The following BBS2 variants were observed in gnomAD, a reference collection of about 807,000 sequenced individuals.
BBS2 encodes the protein Bardet-Biedl syndrome 2.
A neutral mutation model predicts 83.0 loss-of-function variants in BBS2; 62 were observed. The observed-to-expected ratio is 0.75, with a 90% CI of 0.61 to 0.92. BBS2 has a LOEUF of 0.92. BBS2 is among the 40% of genes least tolerant of loss of function. The pLI, the probability that BBS2 is intolerant of heterozygous loss-of-function variation, is 0.00. For synonymous variants in BBS2, 303 were observed against 326.1 expected, an observed-to-expected ratio of 0.93 and a Z score of 0.76; for missense variants, 784 against 901.0, an observed-to-expected ratio of 0.87 and a Z score of 1.66.
intron 17 of BBS2, among the ~76,000 whole-genome samples, chr16:56,472,817 T>G (rs1274382836): frequency 6.6e-6 from 1 of 152,200 alleles, no homozygotes; most frequent in Non-Finnish European, 1.5e-5. Context: ...CCACTTAATA[T>G]TTCATAAACC....
In BBS2 at chr16:56,502,351, A is replaced by C. The variant is rs752280639; in HGVS notation, c.1046T>G (p.Leu349Trp). The C allele has an allele frequency of 6.6e-5, 106 of 1,614,082 alleles. No individual in the cohort carries two copies. Among genetic ancestry groups the C allele is most frequent in the Non-Finnish European group, 8.8e-5 (104 of 1,180,044 alleles). The change falls in exon 9 of 17, where the codon TTG becomes TGG. Residue 349 changes from leucine to tryptophan, a missense_variant. Physicochemically the swap from Leu to Trp is moderately conservative, Grantham distance 61. Transcript: ENST00000245157. ...TTCCTCATAGTTACGGAGTTCCAGC[A>C]ACAGATTCTGCTTCTTCTGACTCAG... ...RELSQKKQNL[L>W]LELRNYEENA...
chr16:56,497,131 C>T (rs777512522), intron 14 of BBS2, 52 bp from the exon 15 acceptor site: 5 of 1,174,920 alleles, frequency 4.3e-6, no homozygotes, highest in South Asian at 1.2e-5. Context: ...ACTTCTTGAA[C>T]CCAGACAAAT....
downstream of BBS2, among the ~76,000 whole-genome samples, chr16:56,480,398 C>T (rs941934654): frequency 3.0e-5 from 4 of 135,508 alleles, no homozygotes; most frequent in African/African-American, 8.6e-5. Context: ...GTTACCTCTC[C>T]CAGACCAGTA....
At chr16:56,499,971 G>T (rs2144139897) in intron 11 of BBS2, 64 bp from the exon 12 acceptor site, 2 of 1,601,522 alleles carry the variant, frequency 1.2e-6, no homozygotes, top group South Asian at 1.1e-5. Flanking sequence ...AAAATGCAAG[G>T]CCCAGAAAAT....
At chr16:56,494,999 T>C (rs991901972) in intron 15 of BBS2, among the ~76,000 whole-genome samples, 3 of 149,188 alleles carry the variant, frequency 2.0e-5, no homozygotes, top group Admixed American at 2.0e-4. Context: ...AAATTAATAA[T>C]AACAGATATA....
At chr16:56,489,651 T>G (rs1429204103) in intron 15 of BBS2, among the ~76,000 whole-genome samples, 1 of 151,592 alleles carries the variant, frequency 6.6e-6, no homozygotes, top group African/African-American at 2.4e-5. Context: ...ACAAAAAAAA[T>G]TAGCTGGGCA....
At chr16:56,482,038 G>T (rs1453998305), downstream of BBS2, among the ~76,000 whole-genome samples, 1 of 152,164 alleles carries the variant, frequency 6.6e-6, no homozygotes, top group Admixed American at 6.5e-5. Flanking sequence ...CTTGCTGCAG[G>T]TCAATGCCTT....
intron 16 of BBS2, among the ~76,000 whole-genome samples, chr16:56,485,304 A>C (rs1963744604): frequency 1.3e-5 from 2 of 151,958 alleles, no homozygotes; most frequent in African/African-American, 2.4e-5. Context: ...ATTTATATAT[A>C]TATGTTTATA....
chr16:56,509,576 C>A (rs1216559126), intron 5 of BBS2: 2 of 197,974 alleles, frequency 1.0e-5, no homozygotes, highest in Non-Finnish European at 2.1e-5. Context: ...AATTTATCTT[C>A]CTATTAGGGT....
chr16:56,511,609 G>T (rs1964579274), intron 2 of BBS2, among the ~76,000 whole-genome samples: 1 of 152,140 alleles, frequency 6.6e-6, no homozygotes, highest in African/African-American at 2.4e-5. Context: ...TTCTCTCCTA[G>T]ATCTCCAGCC....
chr16:56,514,472 G>A lies in BBS2; in HGVS notation c.326C>T (p.Ser109Leu), dbSNP rs181736797. The change falls in exon 2 of 17, where the codon TCG becomes TTG. Residue 109 changes from serine (S) to leucine (L), a missense_variant. Transcript: ENST00000245157. The stretch of plus-strand genomic sequence containing the variant: ...ACTTGCCTCTCTGTAGAACAAATCC[G>A]AATTATTGTAGACATCATAAGCCAA... ...NLLAYDVYNN[S>L]DLFYREVADG... is the part of the protein sequence containing the mutation. The A allele has an allele frequency of 7.5e-5, 121 of 1,613,970 alleles. No individual in the cohort carries two copies. The highest frequency in any genetic ancestry group is 2.9e-4 in the East Asian group (13 of 44,880).
chr16:56,473,858 G>T (rs1455863850), intron 17 of BBS2, among the ~76,000 whole-genome samples: 1 of 151,928 alleles, frequency 6.6e-6, no homozygotes, highest in East Asian at 1.9e-4. Context: ...CCAGGCTGGA[G>T]TACAGTGGTG....
intron 9 of BBS2, chr16:56,502,081 TATAA>T: frequency 3.4e-6 from 2 of 591,444 alleles, no homozygotes; most frequent in Non-Finnish European, 6.0e-6. Context: ...TTTTCACTGC[TATAA>T]ATAAATAGTG....
At chr16:56,494,759 G>A (rs559538935) in intron 15 of BBS2, among the ~76,000 whole-genome samples, 14 of 152,106 alleles carry the variant, frequency 9.2e-5, no homozygotes, top group South Asian at 6.2e-4. Flanking sequence ...TCAGGAGATC[G>A]AGACCATCCT....
At chr16:56,502,025 G>A in intron 9 of BBS2, 2 of 461,274 alleles carry the variant, frequency 4.3e-6, no homozygotes, top group Non-Finnish European at 8.0e-6. Flanking sequence ...ATATTCCTTA[G>A]CACATACTCC....
intron 9 of BBS2, chr16:56,501,863 GCA>G (rs1465760529): frequency 3.5e-5 from 13 of 366,516 alleles, no homozygotes; most frequent in African/African-American, 1.9e-4. Context: ...TTTGCTGTAT[GCA>G]CACACACAGT....
intron 15 of BBS2, among the ~76,000 whole-genome samples, chr16:56,486,409 T>G (rs1963775726): frequency 6.6e-6 from 1 of 152,222 alleles, no homozygotes; most frequent in Non-Finnish European, 1.5e-5. Flanking sequence ...ATGCAAGTAT[T>G]TATAGCAGCT....
At chr16:56,486,032 G>C (rs1425536705) in intron 15 of BBS2, among the ~76,000 whole-genome samples, 1 of 152,180 alleles carries the variant, frequency 6.6e-6, no homozygotes, top group Non-Finnish European at 1.5e-5. Context: ...AGTGAGCAAG[G>C]TGACAGCCCA....
chr16:56,471,020 T>G (rs2144035351), intron 17 of BBS2, among the ~76,000 whole-genome samples: 1 of 152,148 alleles, frequency 6.6e-6, no homozygotes, highest in East Asian at 1.9e-4. Flanking sequence ...TAATGATAAG[T>G]GCTATGCAAA....
Sources: allele counts gnomAD v4.1 joint callset (sites outside exome capture counted in the v4.1 genomes callset), GRCh38; gene constraint gnomAD v4.1.1; transcripts MANE v1.5; gene names NCBI Gene and HGNC (gene_info 2026-07-23, HGNC 2026-07-21).